PRKAR2B: variants seen among roughly 807,000 people sequenced by gnomAD.
PRKAR2B encodes protein kinase cAMP-dependent type II regulatory subunit beta.
Under a neutral mutation model 49.9 loss-of-function variants are expected in PRKAR2B, and 14 were observed. The ratio of observed to expected loss-of-function variants is 0.28; its 90% CI spans 0.19 to 0.44. PRKAR2B has a LOEUF of 0.44. Among genes scored for constraint, PRKAR2B ranks in the 20% least tolerant of loss-of-function variants. PRKAR2B has a pLI of 1.00. For missense variants in PRKAR2B, 393 were observed against 537.9 expected (o/e 0.73, Z 2.67); for synonymous variants, 196 against 197.7 (o/e 0.99, Z 0.07).
At chr7:107,131,640 T>C (rs1398901531) in intron 4 of PRKAR2B, among the ~76,000 whole-genome samples, 1 of 152,182 alleles carries the variant, frequency 6.6e-6, no homozygotes, top group African/African-American at 2.4e-5. Context: ...GAATTTGAGC[T>C]CAGACCACCT....
At chr7:107,112,963 A>T (rs1795203102) in intron 2 of PRKAR2B, among the ~76,000 whole-genome samples, 1 of 152,166 alleles carries the variant, frequency 6.6e-6, no homozygotes, top group Non-Finnish European at 1.5e-5. Flanking sequence ...AGAAGCCAGT[A>T]ATTAAACTAT....
intron 2 of PRKAR2B, chr7:107,078,063 G>T (rs112953061): frequency 0.066 from 10,073 of 152,106 alleles, 467 homozygotes; most frequent in Middle Eastern, 0.15. Context: ...TTAGCTGGGC[G>T]TTGTGGCGTG....
intron 4 of PRKAR2B, among the ~76,000 whole-genome samples, chr7:107,131,105 A>G (rs192704899): frequency 1.5e-3 from 225 of 152,324 alleles, no homozygotes; most frequent in Middle Eastern, 3.4e-3. Flanking sequence ...CTAGAGCTAG[A>G]TGTGAAAATG....
At chr7:107,122,551 T>G (rs544821142) in intron 3 of PRKAR2B, among the ~76,000 whole-genome samples, 1 of 152,348 alleles carries the variant, frequency 6.6e-6, no homozygotes, top group South Asian at 2.1e-4. Flanking sequence ...TTCTACTATT[T>G]ATTTAGTAAA....
intron 5 of PRKAR2B, among the ~76,000 whole-genome samples, chr7:107,145,290 T>C (rs1161210067): frequency 6.6e-6 from 1 of 152,226 alleles, no homozygotes. Flanking sequence ...AGTGAAACTT[T>C]ATTTACAAAA....
intron 1 of PRKAR2B, among the ~76,000 whole-genome samples, chr7:107,065,194 C>G (rs1794110291): frequency 6.6e-6 from 1 of 152,142 alleles, no homozygotes; most frequent in Non-Finnish European, 1.5e-5. Context: ...TCAGCTGAAT[C>G]CAAGATTATT....
intron 2 of PRKAR2B, among the ~76,000 whole-genome samples, chr7:107,113,037 A>C (rs2116825993): frequency 6.6e-6 from 1 of 152,266 alleles, no homozygotes; most frequent in Non-Finnish European, 1.5e-5. Context: ...AGGTCAAATG[A>C]TACTTGTTCT....
chr7:107,072,716 A>T (rs1794304506), intron 2 of PRKAR2B, among the ~76,000 whole-genome samples: 1 of 152,176 alleles, frequency 6.6e-6, no homozygotes, highest in Non-Finnish European at 1.5e-5. Flanking sequence ...TAACTTTTTT[A>T]AAAAGTAACA....
intron 1 of PRKAR2B, among the ~76,000 whole-genome samples, chr7:107,063,941 G>A (rs1029889039): frequency 6.6e-6 from 1 of 152,130 alleles, no homozygotes; most frequent in Non-Finnish European, 1.5e-5. Flanking sequence ...CCATAAATCT[G>A]CTCTTTGCAT....
At chr7:107,081,637 G>A (rs1404807222) in intron 2 of PRKAR2B, among the ~76,000 whole-genome samples, 2 of 151,924 alleles carry the variant, frequency 1.3e-5, no homozygotes, top group Non-Finnish European at 2.9e-5. Context: ...GCACCTCCCC[G>A]GATTAGTTTT....
intron 1 of PRKAR2B, among the ~76,000 whole-genome samples, chr7:107,058,299 C>A (rs1793954210): frequency 6.6e-6 from 1 of 152,108 alleles, no homozygotes; most frequent in Admixed American, 6.5e-5. Flanking sequence ...AAAAACAAAA[C>A]TGTGTGCCTG....
chr7:107,136,074 C>A (rs955307779), intron 4 of PRKAR2B, among the ~76,000 whole-genome samples: 1 of 151,880 alleles, frequency 6.6e-6, no homozygotes, highest in African/African-American at 2.4e-5. Flanking sequence ...AAAGGTAACA[C>A]AATGAAGTAA....
intron 1 of PRKAR2B, among the ~76,000 whole-genome samples, chr7:107,046,432 A>G (rs1419587607): frequency 6.6e-6 from 1 of 152,236 alleles, no homozygotes; most frequent in Admixed American, 6.5e-5. Context: ...GCAGGATTAC[A>G]TGTTGAAATG....
rs1442441796 is a variant in PRKAR2B, at chr7:107,146,409, C to T, written c.689C>T (p.Thr230Ile). The change falls in exon 6 of 11, where the codon ACA becomes ATA. Residue 230 changes from threonine (T) to isoleucine (I), a missense_variant. Physicochemically the swap from Thr to Ile is moderately conservative, Grantham distance 89. Around this residue, in one of 2 missense-constraint regions of PRKAR2B, gnomAD observed 233 missense variants for 390.4 expected, o/e 0.60. Coordinates refer to ENST00000265717, the MANE Select transcript of PRKAR2B (RefSeq NM_002736.3). ...GGCGAACTGGCCTTAATGTACAATA[C>T]ACCCAGAGCAGCTACAATCACTGCT... ...SFGELALMYNTPRAATITATS... is the reference protein window; with the variant it reads ...SFGELALMYNIPRAATITATS... 1 of 1,614,078 alleles carries T rather than the reference C, an allele frequency of 6.2e-7. No homozygotes were observed. The highest frequency in any genetic ancestry group is 8.5e-7 in the Non-Finnish European group (1 of 1,180,042).
chr7:107,142,013 T>C (rs1470520985), intron 5 of PRKAR2B, among the ~76,000 whole-genome samples: 1 of 152,184 alleles, frequency 6.6e-6, no homozygotes, highest in Non-Finnish European at 1.5e-5. Context: ...GAGTCCTTAT[T>C]TCTTCACTTT....
At position 107,159,551 on chromosome 7, in the gene PRKAR2B, C is replaced by T. The variant is rs201946496; in HGVS notation, c.1226C>T (p.Thr409Met). The part of the protein sequence containing the change: ...YEEQLVALFG[T>M]NMDIVEPTA ...GAACAGTTAGTTGCCCTGTTTGGAA[C>T]GAACATGGATATTGTTGAACCCACT... The change falls in exon 11 of 11, where the codon ACG (threonine) becomes ATG (methionine). Residue 409 changes from threonine to methionine, a missense_variant. Thr to Met is a moderately conservative substitution (Grantham distance 81). This residue lies in a region of PRKAR2B where 233 missense variants were observed against 390.4 expected (regional missense o/e 0.60). Coordinates refer to ENST00000265717, the MANE Select transcript of PRKAR2B (RefSeq NM_002736.3). The T allele has an allele frequency of 9.3e-6, 15 of 1,614,066 alleles. No individual in the cohort carries two copies. The highest frequency in any genetic ancestry group is 5.5e-5 in the South Asian group (5 of 91,080).
Position 107,146,374 on chromosome 7 carries a change from T to C in PRKAR2B, c.654T>C (p.Arg218=). 1 of 1,614,166 alleles carries C rather than the reference T, an allele frequency of 6.2e-7. No homozygotes were observed. Among genetic ancestry groups the C allele is most frequent in the Non-Finnish European group, 8.5e-7 (1 of 1,180,016 alleles). ...VGRCVGNYDN[R]GSFGELALMY... is the part of the protein sequence containing the mutation. ...GATGTGTTGGTAACTATGATAATCG[T>C]GGGAGTTTCGGCGAACTGGCCTTAA... is the stretch of plus-strand genomic sequence containing the variant. The change falls in exon 6 of 11, where the codon CGT becomes CGC. Residue 218 remains arginine (R), a synonymous_variant. Transcript: ENST00000265717.
intron 1 of PRKAR2B, among the ~76,000 whole-genome samples, chr7:107,063,877 C>A (rs78070386): frequency 1.7e-4 from 26 of 152,182 alleles, no homozygotes; most frequent in African/African-American, 6.3e-4. Flanking sequence ...CCAGCTTTTC[C>A]GGTGTTCTTA....
At chr7:107,132,971 A>T (rs1197953890) in intron 4 of PRKAR2B, among the ~76,000 whole-genome samples, 1 of 152,130 alleles carries the variant, frequency 6.6e-6, no homozygotes, top group African/African-American at 2.4e-5. Context: ...AAATATTTCT[A>T]ATTTGAGGCT....
Sources: allele counts gnomAD v4.1 joint callset (sites outside exome capture counted in the v4.1 genomes callset), GRCh38; gene constraint gnomAD v4.1.1; regional missense constraint gnomAD v4.1.1; transcripts MANE v1.5; gene names NCBI Gene and HGNC (gene_info 2026-07-23, HGNC 2026-07-21).